ZNF677: variants seen among roughly 807,000 people sequenced by gnomAD.
ZNF677 encodes the protein hypothetical protein MGC48625.
In ZNF677, 5 loss-of-function variants were observed where a neutral mutation model predicts 8.1. That is an observed-to-expected ratio of 0.62 (90% CI 0.32 to 1.29). The LOEUF (loss-of-function observed/expected upper bound fraction) is 1.29, where lower values mean the gene tolerates loss of function less well. Among genes scored for constraint, ZNF677 ranks in the 50% most tolerant of loss-of-function variants. The pLI is 0.05. For synonymous variants in ZNF677, 221 were observed against 225.6 expected (o/e 0.98, Z 0.18); for missense variants, 685 against 685.9 (o/e 1.00, Z 0.01).
rs1275866749 is a variant in ZNF677 at position 53,238,561 on chromosome 19, A to G, written c.170-4T>C. 3.3e-6 allele frequency: 5 copies of G among 1,531,846 alleles called. No individual in the cohort carries two copies. The highest frequency in any genetic ancestry group is 4.4e-6 in the Non-Finnish European group (5 of 1,149,266). The allele number at this position is 1,531,846 out of a possible 1,614,324, so 94.9% of individuals were successfully genotyped here. On this transcript the variant is annotated splice_polypyrimidine_tract_variant and splice_region_variant and intron_variant, in intron 4 of 4. Coordinates refer to ENST00000598513, the MANE Select transcript of ZNF677 (RefSeq NM_182609.4). ...CTTGTAAATCCAACAGAAATATCTG[A>G]AAGATATTAAAAAAACCACAGGCTT...
intron 3 of ZNF677, among the ~76,000 whole-genome samples, chr19:53,244,890 A>G (rs1311884260): frequency 6.6e-6 from 1 of 152,238 alleles, no homozygotes; most frequent in Non-Finnish European, 1.5e-5. Flanking sequence ...TGGTACTGGC[A>G]TAAAATAGAC....
At chr19:53,251,839 C>G (rs2091239189) in intron 2 of ZNF677, among the ~76,000 whole-genome samples, 1 of 152,200 alleles carries the variant, frequency 6.6e-6, no homozygotes, top group Admixed American at 6.5e-5. Flanking sequence ...CATTCTGCAT[C>G]AATTGCATTG....
intron 3 of ZNF677, 141 bp from the exon 4 acceptor site, chr19:53,244,038 T>TA (rs2091098369): frequency 1.3e-6 from 1 of 756,944 alleles, no homozygotes; most frequent in Admixed American, 3.3e-5. Flanking sequence ...TTATTTTTTT[T>TA]AAACTGAGAT....
At chr19:53,249,158 C>T (rs141709206) in intron 3 of ZNF677, 5 of 152,290 alleles carry the variant, frequency 3.3e-5, no homozygotes, top group African/African-American at 1.2e-4. Context: ...TACTGATATT[C>T]GTTGAAACAC....
At chr19:53,244,055 A>C (rs944855912) in intron 3 of ZNF677, 158 bp from the exon 4 acceptor site, 1 of 676,416 alleles carries the variant, frequency 1.5e-6, no homozygotes, top group Admixed American at 3.3e-5. Context: ...AGATGAAATT[A>C]CATAACATAA....
At chr19:53,252,277 A>G (rs997975724) in intron 2 of ZNF677, among the ~76,000 whole-genome samples, 1 of 152,208 alleles carries the variant, frequency 6.6e-6, no homozygotes, top group Non-Finnish European at 1.5e-5. Context: ...ACACATGCTC[A>G]ATCCTGAAAA....
chr19:53,236,846 A>G lies in ZNF677; in HGVS notation c.*126T>C. The G allele has an allele frequency of 1.2e-6, 1 of 865,282 alleles. No individual in the cohort carries two copies. Among genetic ancestry groups the G allele is most frequent in the Non-Finnish European group, 1.7e-6 (1 of 593,632 alleles). 53.6% of individuals were successfully genotyped at this position (865,282 alleles called of 1,614,324 possible). ...GAACTTTGGATAAGCCTTGCCATAC[A>G]TGTTATCTTTGTGTGGTTTATCTCA... On this transcript the variant is annotated 3_prime_UTR_variant, in exon 5 of 5. Coordinates refer to ENST00000598513, the MANE Select transcript of ZNF677 (RefSeq NM_182609.4).
At chr19:53,243,964 A>G in intron 3 of ZNF677, 67 bp from the exon 4 acceptor site, 4 of 1,452,834 alleles carry the variant, frequency 2.8e-6, no homozygotes, top group Non-Finnish European at 3.7e-6. Context: ...AAAATGGCAG[A>G]AAAGAGGTGT....
At chr19:53,245,964 A>G (rs555704505) in intron 3 of ZNF677, among the ~76,000 whole-genome samples, 4 of 151,900 alleles carry the variant, frequency 2.6e-5, no homozygotes, top group Non-Finnish European at 4.4e-5. Flanking sequence ...GTGAGCCAAG[A>G]TTGTGCCACT....
In ZNF677 at chr19:53,237,649, A is replaced by T. The variant is rs147815623; in HGVS notation, c.1078T>A (p.Ser360Thr). 5.0e-6 allele frequency: 8 copies of T among 1,613,206 alleles called. No individual in the cohort carries two copies. Among genetic ancestry groups the T allele is most frequent in the Non-Finnish European group, 6.8e-6 (8 of 1,179,626 alleles). ...NECGKAFIQR[S>T]HLWGHERIHT... Reference sequence around the variant, plus strand: ...ATTCTTTCATGACCCCAAAGGTGTGAACGCTGGATAAATGCCTTACCACAT... The same window carrying T: ...ATTCTTTCATGACCCCAAAGGTGTGTACGCTGGATAAATGCCTTACCACAT... The change falls in exon 5 of 5, where the codon TCA becomes ACA. Residue 360 changes from serine to threonine, a missense_variant. Coordinates refer to ENST00000598513, the MANE Select transcript of ZNF677 (RefSeq NM_182609.4).
chr19:53,241,947 TC>T (rs1410845573), intron 4 of ZNF677: 20 of 385,380 alleles, frequency 5.2e-5, no homozygotes, highest in Non-Finnish European at 6.8e-5. Flanking sequence ...TTTTTTTTTT[TC>T]GAGATGGAGT....
At chr19:53,239,704 G>C (rs1011440837) in intron 4 of ZNF677, 2 of 152,058 alleles carry the variant, frequency 1.3e-5, no homozygotes, top group Non-Finnish European at 2.9e-5. Context: ...TATTCATAAA[G>C]GTAACTTTTC....
chr19:53,249,247 G>C (rs1283573925), intron 3 of ZNF677: 1 of 152,158 alleles, frequency 6.6e-6, no homozygotes, highest in East Asian at 1.9e-4. Context: ...TTGATTTAAA[G>C]TATTTTTTAG....
rs1470905081 is a variant in ZNF677 at position 53,237,210 on chromosome 19, T to C, written c.1517A>G (p.Lys506Arg). The C allele has an allele frequency of 6.2e-7, 1 of 1,612,906 alleles. No individual in the cohort carries two copies. The highest frequency in any genetic ancestry group is 2.2e-5 in the East Asian group (1 of 44,874). ...AGGTTTCTCTCCAGTATGGATTTTC[T>C]TATGCTGAGTAAGATTTGAACGTTC... ...FTERSNLTQH[K>R]KIHTGEKPYK... is the part of the protein sequence containing the mutation. Residue 506 changes from lysine (K) to arginine (R), a missense_variant, in exon 5 of 5, where the codon AAG (lysine) becomes AGG (arginine). Lys to Arg is a conservative substitution (Grantham distance 26). Transcript: ENST00000598513.
At chr19:53,243,463 G>A (rs1344452482) in intron 4 of ZNF677, 11 of 476,904 alleles carry the variant, frequency 2.3e-5, no homozygotes, top group Non-Finnish European at 3.3e-5. Context: ...TGAATCAAAG[G>A]CACAGGGATA....
intron 4 of ZNF677, chr19:53,242,593 A>C (rs919357433): frequency 1.3e-4 from 52 of 394,784 alleles, no homozygotes; most frequent in Non-Finnish European, 2.3e-4. Flanking sequence ...GGAATGGCCA[A>C]GGGGCTTGAA....
At position 53,236,909 on chromosome 19, in the gene ZNF677, T is replaced by C. The variant is rs143065612; in HGVS notation, c.*63A>G. 2,153 of 1,432,348 alleles carry C rather than the reference T, an allele frequency of 1.5e-3. 3 individuals carry two copies. Among genetic ancestry groups the C allele is most frequent in the Non-Finnish European group, 1.9e-3 (2,034 of 1,070,872 alleles). The allele number at this position is 1,432,348 out of a possible 1,614,324, so 88.7% of individuals were successfully genotyped here. A position where few individuals can be genotyped will look rare whatever the true frequency, so the allele number is the denominator to read the frequency against. Reference sequence around the variant, plus strand: ...CTGGTATCAAGTGAGACATAAGCCATAGCTAAAGGCTTTACCACATTTTCG... The same window carrying C: ...CTGGTATCAAGTGAGACATAAGCCACAGCTAAAGGCTTTACCACATTTTCG... On this transcript the variant is annotated 3_prime_UTR_variant, in exon 5 of 5. Coordinates refer to ENST00000598513, the MANE Select transcript of ZNF677 (RefSeq NM_182609.4).
chr19:53,242,590 C>A (rs1038086352), intron 4 of ZNF677: 16 of 394,990 alleles, frequency 4.1e-5, no homozygotes, highest in Non-Finnish European at 7.1e-5. Context: ...GAAGGAATGG[C>A]CAAGGGGCTT....
At chr19:53,251,341 G>A (rs535519610) in intron 3 of ZNF677, among the ~76,000 whole-genome samples, 195 bp downstream of exon 3, 1 of 152,228 alleles carries the variant, frequency 6.6e-6, no homozygotes, top group South Asian at 2.1e-4. Flanking sequence ...CATCTAAACG[G>A]AGCCTTTTCC....
Sources: allele counts gnomAD v4.1 joint callset (sites outside exome capture counted in the v4.1 genomes callset), GRCh38; gene constraint gnomAD v4.1.1; transcripts MANE v1.5; gene names NCBI Gene and HGNC (gene_info 2026-07-23, HGNC 2026-07-21).